Variants in TRIO observed in about 807,000 individuals in gnomAD.
TRIO encodes trio Rho guanine nucleotide exchange factor, also known as triple functional domain protein.
TRIO carries 58 observed loss-of-function variants against 351.9 expected under a neutral mutation model. The ratio of observed to expected loss-of-function variants is 0.16; its 90% confidence interval spans 0.13 to 0.21. The LOEUF (loss-of-function observed/expected upper bound fraction) is 0.21, where lower values mean the gene tolerates loss of function less well. Among genes scored for constraint, TRIO ranks in the 10% least tolerant of loss-of-function variants. The pLI is 1.00. For synonymous variants in TRIO, 1,758 were observed against 1,595.7 expected, an observed-to-expected ratio of 1.10 and a Z score of -2.42; for missense variants, 3,201 against 4,027.8, an observed-to-expected ratio of 0.79 and a Z score of 5.56.
At chr5:14,502,735 T>A in intron 54 of TRIO, 78 bp downstream of exon 54, 1 of 1,381,798 alleles carries the variant, frequency 7.2e-7, no homozygotes, top group Non-Finnish European at 1.0e-6. Flanking sequence ...GGGATAAAGC[T>A]AAGCAGTGTT....
At chr5:14,476,856 A>G (rs1755114418) in intron 40 of TRIO, 38 bp from the exon 41 acceptor site, 3 of 1,546,322 alleles carry the variant, frequency 1.9e-6, no homozygotes, top group Non-Finnish European at 2.7e-6. Context: ...AGAAGGCCAC[A>G]CTGGAAATAG....
rs183847359 is a variant in TRIO, at chr5:14,420,968, C to G, written c.5203+947C>G. ...AGAACTAGGCATTCATCACACTTGG[C>G]TTCGTCCGGAAAACTTCTGGTGGAG... On this transcript the variant is annotated intron_variant, in intron 34 of 56. Coordinates refer to ENST00000344204, the MANE Select transcript of TRIO (RefSeq NM_007118.4). 4.1e-4 allele frequency among the ~76,000 whole-genome samples: 62 copies of G among 152,328 alleles called. 1 individual carries two copies. Among genetic ancestry groups the G allele is most frequent in the Middle Eastern group, 6.8e-3 (2 of 294 alleles).
At chr5:14,327,811 A>G (rs1033431827) in intron 9 of TRIO, among the ~76,000 whole-genome samples, 4 of 152,256 alleles carry the variant, frequency 2.6e-5, no homozygotes, top group African/African-American at 9.6e-5. Context: ...CCTCATGCCC[A>G]GGAGCACATT....
At chr5:14,364,458 G>A (rs1198760693) in intron 14 of TRIO, among the ~76,000 whole-genome samples, 192 bp from the exon 15 acceptor site, 2 of 152,206 alleles carry the variant, frequency 1.3e-5, no homozygotes, top group African/African-American at 2.4e-5. Flanking sequence ...AAATGGATGG[G>A]ATGTGGATGT....
rs201451393 is a variant in TRIO, at chr5:14,258,046, C to CG, written c.158-12779_158-12778insG. On this transcript the variant is annotated intron_variant, in intron 1 of 56. Coordinates refer to ENST00000344204, the MANE Select transcript of TRIO (RefSeq NM_007118.4). ...TAGGTAACTGCCCACAGTCACCCCCCCTGGGAGGTGGCAAGCCCAGGCTCC... is the reference window on the plus strand; with the variant it reads ...TAGGTAACTGCCCACAGTCACCCCCCGCTGGGAGGTGGCAAGCCCAGGCTCC... Among the ~76,000 whole-genome samples the CG allele has an allele frequency of 6.1e-3, 923 of 152,342 alleles. 13 individuals are homozygous for CG. Among genetic ancestry groups the CG allele is most frequent in the African/African-American group, 0.021 (893 of 41,582 alleles).
chr5:14,386,336 G>A (rs1746538319), intron 21 of TRIO, among the ~76,000 whole-genome samples: 1 of 152,118 alleles, frequency 6.6e-6, no homozygotes, highest in Non-Finnish European at 1.5e-5. Context: ...GTGGCTAGGG[G>A]CTGGCTGGAG....
chr5:14,387,844 A>T lies in TRIO; in HGVS notation c.3878A>T (p.Lys1293Ile), dbSNP rs1486745845. 6.2e-7 allele frequency: 1 copy of T among 1,613,850 alleles called. No individual in the cohort carries two copies. Among genetic ancestry groups the T allele is most frequent in the South Asian group, 1.1e-5 (1 of 91,070 alleles). ...NEEKRKSARR[K>I]EFIMAELIQT... ...GAGAAGCGGAAATCTGCCCGCAGGA[A>T]AGAGTAAGCCAGTCTTTCAGAATCT... is the stretch of plus-strand genomic sequence containing the variant. Residue 1293 changes from lysine (K) to isoleucine (I), a missense_variant, in exon 23 of 57, where the codon AAA (lysine) becomes ATA (isoleucine). This residue lies in a region of TRIO where 201 missense variants were observed against 266.5 expected (regional missense o/e 0.75). Transcript: ENST00000344204.
rs555884369 is a variant in TRIO at position 14,423,798 on chromosome 5, C to T, written c.5203+3777C>T. Among the ~76,000 whole-genome samples, 561 of 152,238 alleles carry T rather than the reference C, an allele frequency of 3.7e-3. 6 individuals carry two copies. Among genetic ancestry groups the T allele is most frequent in the South Asian group, 2.1e-3 (10 of 4,814 alleles). The stretch of plus-strand genomic sequence containing the variant: ...GTTCATACCCTGTCCTGGGGAGGGC[C>T]TTCCGTCACCCTCCCCACTCAGGAC... On this transcript the variant is annotated intron_variant, in intron 34 of 56. Coordinates refer to ENST00000344204, the MANE Select transcript of TRIO (RefSeq NM_007118.4).
chr5:14,179,295 G>A (rs33029), intron 1 of TRIO, among the ~76,000 whole-genome samples: 8,793 of 152,178 alleles, frequency 0.058, 336 homozygotes, highest in African/African-American at 0.1. Flanking sequence ...CAAACATACG[G>A]TGAAGTTAGA....
At chr5:14,258,754 A>G (rs951782580) in intron 1 of TRIO, among the ~76,000 whole-genome samples, 21 of 152,226 alleles carry the variant, frequency 1.4e-4, no homozygotes, top group African/African-American at 5.1e-4. Flanking sequence ...AGTTGCCTCT[A>G]GCCATCCCAG....
intron 54 of TRIO, among the ~76,000 whole-genome samples, chr5:14,504,065 G>T (rs1002051992): frequency 2.6e-5 from 4 of 152,244 alleles, no homozygotes; most frequent in Non-Finnish European, 5.9e-5. Flanking sequence ...CTCGTCGTGG[G>T]AAGCAGAAGG....
chr5:14,457,095 G>A (rs1220073382), intron 34 of TRIO, among the ~76,000 whole-genome samples: 1 of 152,062 alleles, frequency 6.6e-6, no homozygotes, highest in Non-Finnish European at 1.5e-5. Flanking sequence ...AAGAGAAGGG[G>A]TCATTATTGT....
At chr5:14,424,089 C>T (rs1157395052) in intron 34 of TRIO, among the ~76,000 whole-genome samples, 1 of 151,910 alleles carries the variant, frequency 6.6e-6, no homozygotes, top group African/African-American at 2.4e-5. Flanking sequence ...TAAGAAGAGA[C>T]CTTTTGGTGG....
At chr5:14,363,648 A>G in intron 13 of TRIO, 84 bp from the exon 14 acceptor site, 9 of 1,336,604 alleles carry the variant, frequency 6.7e-6, no homozygotes, top group Non-Finnish European at 8.3e-6. Flanking sequence ...GCAGAGAGAC[A>G]TCTCTTCCTT....
At chr5:14,461,475 G>T (rs1561518867) in intron 35 of TRIO, among the ~76,000 whole-genome samples, 164 bp downstream of exon 35, 1 of 152,262 alleles carries the variant, frequency 6.6e-6, no homozygotes, top group Non-Finnish European at 1.5e-5. Context: ...ATTTAGTGGG[G>T]ACACTTGAAA....
At chr5:14,189,868 G>A (rs1337005883) in intron 1 of TRIO, among the ~76,000 whole-genome samples, 6 of 151,780 alleles carry the variant, frequency 4.0e-5, no homozygotes, top group African/African-American at 1.5e-4. Flanking sequence ...AACTATAGGC[G>A]CATCCCACCA....
intron 1 of TRIO, among the ~76,000 whole-genome samples, chr5:14,159,624 A>G (rs1056214603): frequency 8.7e-5 from 13 of 149,648 alleles, no homozygotes; most frequent in African/African-American, 2.7e-4. Context: ...GCTGGAGTGC[A>G]GTGGCACGAC....
intron 6 of TRIO, among the ~76,000 whole-genome samples, chr5:14,295,839 C>T (rs529797984): frequency 2.6e-5 from 4 of 152,298 alleles, no homozygotes; most frequent in East Asian, 3.9e-4. Context: ...TCCAGACATG[C>T]GATGTCTGTT....
In TRIO at chr5:14,406,667, G is replaced by A. The variant is rs765405800; in HGVS notation, c.4954G>A (p.Asp1652Asn). ...SRTSQNTLDSDKLSGGCELTV... is the reference protein window; with the variant it reads ...SRTSQNTLDSNKLSGGCELTV... ...GACGTCTCAGAACACGCTGGACAGC[G>A]ATAAGGTGAGTCACTGCCGGCACTT... is the stretch of plus-strand genomic sequence containing the variant. The change falls in exon 33 of 57, where the codon GAT becomes AAT. Residue 1652 changes from aspartate to asparagine, a missense_variant. This residue lies in a region of TRIO where 136 missense variants were observed against 229.5 expected (regional missense o/e 0.59). Transcript: ENST00000344204. 3.1e-6 allele frequency: 5 copies of A among 1,613,710 alleles called. No homozygotes were observed. The highest frequency in any genetic ancestry group is 1.3e-5 in the African/African-American group (1 of 74,928).
Sources: allele counts gnomAD v4.1 joint callset (sites outside exome capture counted in the v4.1 genomes callset), GRCh38; gene constraint gnomAD v4.1.1; regional missense constraint gnomAD v4.1.1; transcripts MANE v1.5; gene names NCBI Gene and HGNC (gene_info 2026-07-23, HGNC 2026-07-21).